TRAF1: variants seen among roughly 807,000 people sequenced by gnomAD.
TRAF1 encodes TNF receptor associated factor 1.
A neutral mutation model predicts 40.9 loss-of-function variants in TRAF1; 23 were observed. The observed-to-expected ratio is 0.56, with a 90% CI of 0.40 to 0.80. The LOEUF (loss-of-function observed/expected upper bound fraction) is 0.80, where lower values mean the gene tolerates loss of function less well. TRAF1 is among the 30% of genes least tolerant of loss of function. TRAF1 has a pLI of 0.00. For synonymous variants in TRAF1, 206 were observed against 218.8 expected, an observed-to-expected ratio of 0.94 and a Z score of 0.52; for missense variants, 477 against 528.7, an observed-to-expected ratio of 0.90 and a Z score of 0.96.
chr9:120,918,791 A>T (rs1160590420), intron 3 of TRAF1, among the ~76,000 whole-genome samples: 2 of 152,248 alleles, frequency 1.3e-5, no homozygotes, highest in Non-Finnish European at 2.9e-5. Context: ...TGAGCAGAGG[A>T]GCTGGGCACA....
chr9:120,907,886 T>TTC (rs1241444312), intron 7 of TRAF1, among the ~76,000 whole-genome samples: 2 of 151,502 alleles, frequency 1.3e-5, no homozygotes, highest in Non-Finnish European at 2.9e-5. Context: ...ATTTCTTTCT[T>TTC]TCTCTCTCTC....
Position 120,913,374 on chromosome 9 carries a change from T to C in TRAF1, c.659A>G (p.His220Arg). The C allele has an allele frequency of 6.2e-7, 1 of 1,613,640 alleles. No homozygotes were observed. The highest frequency in any genetic ancestry group is 1.1e-5 in the South Asian group (1 of 91,042). The change falls in exon 5 of 8, where the codon CAC (histidine) becomes CGC (arginine). Residue 220 changes from histidine (H) to arginine (R), a missense_variant. Transcript: ENST00000373887. ...GCGCTCACGGTCCAGCTGGCTCTGG[T>C]GGATAGAGGTGGCCAGGGCCAGGTG... ...ASHLALATSI[H>R]QSQLDRERIL...
intron 2 of TRAF1, among the ~76,000 whole-genome samples, chr9:120,925,577 T>A (rs750775831): frequency 6.6e-6 from 1 of 152,230 alleles, no homozygotes; most frequent in Non-Finnish European, 1.5e-5. Context: ...TTATTATTCA[T>A]TGGGCTTCAT....
intron 3 of TRAF1, among the ~76,000 whole-genome samples, chr9:120,923,417 T>C (rs1324343288): frequency 1.3e-5 from 2 of 152,296 alleles, no homozygotes; most frequent in East Asian, 3.9e-4. Flanking sequence ...TAAAAACCAC[T>C]CTTAGCTCGT....
Position 120,925,997 on chromosome 9 carries a change from A to G in TRAF1, c.79T>C (p.Cys27Arg), listed in dbSNP as rs767836076. 1.2e-6 allele frequency: 2 copies of G among 1,613,534 alleles called. No homozygotes were observed. Among genetic ancestry groups the G allele is most frequent in the Non-Finnish European group, 1.7e-6 (2 of 1,179,760 alleles). ...EFPFGCPPTV[C>R]QDPKEPRALC... The stretch of plus-strand genomic sequence containing the variant: ...GCCCTGGGCTCCTTTGGGTCCTGGC[A>G]GACGGTGGGAGGGCACCCAAAGGGA... The change falls in exon 2 of 8, where the codon TGC (cysteine) becomes CGC (arginine). Residue 27 changes from cysteine (C) to arginine (R), a missense_variant. Coordinates refer to ENST00000373887, the MANE Select transcript of TRAF1 (RefSeq NM_005658.5).
At chr9:120,908,336 A>G (rs1012141417) in intron 7 of TRAF1, among the ~76,000 whole-genome samples, 7 of 152,216 alleles carry the variant, frequency 4.6e-5, no homozygotes, top group Non-Finnish European at 8.8e-5. Flanking sequence ...ATATTTAATC[A>G]CATCCACTCA....
rs1443909308 is a variant in TRAF1, at chr9:120,905,002, T to C, written c.*18A>G. 5.0e-6 allele frequency: 8 copies of C among 1,607,580 alleles called. No individual in the cohort carries two copies. Among genetic ancestry groups the C allele is most frequent in the Non-Finnish European group, 5.9e-6 (7 of 1,177,368 alleles). ...AGCTCCCTTCTGAGTTGGAGCTCCC[T>C]CAGGAGCCCCGCCCACCCTAAGTGC... is the stretch of plus-strand genomic sequence containing the variant. On this transcript the variant is annotated 3_prime_UTR_variant, in exon 8 of 8. Coordinates refer to ENST00000373887, the MANE Select transcript of TRAF1 (RefSeq NM_005658.5).
chr9:120,921,572 G>A (rs1011212939), intron 3 of TRAF1, among the ~76,000 whole-genome samples: 1 of 152,128 alleles, frequency 6.6e-6, no homozygotes, highest in Non-Finnish European at 1.5e-5. Context: ...ACAGAGTTGA[G>A]GGTCTGCTTG....
At chr9:120,912,650 T>C (rs1300312089) in intron 5 of TRAF1, among the ~76,000 whole-genome samples, 2 of 148,768 alleles carry the variant, frequency 1.3e-5, no homozygotes, top group East Asian at 4.0e-4. Context: ...AGCAATACTC[T>C]GTCTCAAAGG....
chr9:120,914,111 G>T, intron 4 of TRAF1, 124 bp downstream of exon 4: 2 of 842,672 alleles, frequency 2.4e-6, no homozygotes, highest in East Asian at 2.8e-5. Context: ...AAAGTCATTA[G>T]TACAAAGGAC....
chr9:120,919,680 G>A (rs1041896614), intron 3 of TRAF1, among the ~76,000 whole-genome samples: 7 of 152,162 alleles, frequency 4.6e-5, no homozygotes, highest in Non-Finnish European at 8.8e-5. Flanking sequence ...TAACTGGGCC[G>A]GTTTACTCTC....
In TRAF1 at chr9:120,920,476, G is replaced by A. The variant is rs556433349; in HGVS notation, c.228+3229C>T. ...AATTAAGGCTTTACTGTGAGCTACT[G>A]GCATCAGTTGTCAGCTTGCTTTTGA... On this transcript the variant is annotated intron_variant, in intron 3 of 7. Transcript: ENST00000373887. 3.9e-5 allele frequency among the ~76,000 whole-genome samples: 6 copies of A among 152,070 alleles called. 1 individual carries two copies. The South Asian group carries it at 1.2e-3, about 32-fold the overall frequency.
chr9:120,923,813 C>T, intron 2 of TRAF1, 21 bp from the exon 3 acceptor site: 1 of 1,612,394 alleles, frequency 6.2e-7, no homozygotes, highest in South Asian at 1.1e-5. Context: ...ATGGACAAAG[C>T]CTTGGAGAGA....
Position 120,909,414 on chromosome 9 carries a change from T to C in TRAF1, c.884-36A>G, listed in dbSNP as rs376238472. On this transcript the variant is annotated intron_variant, in intron 6 of 7. Coordinates refer to ENST00000373887, the MANE Select transcript of TRAF1 (RefSeq NM_005658.5). The stretch of plus-strand genomic sequence containing the variant: ...GAAGCCAGAGGCAGTTGGGAAGTGC[T>C]GGACTTTGCAGATGTGGGACTGGGA... 35 of 1,604,762 alleles carry C rather than the reference T, an allele frequency of 2.2e-5. 1 individual carries two copies. In the African/African-American group the frequency reaches 4.0e-4, roughly 18 times the overall value.
chr9:120,921,066 C>G (rs1203043405), intron 3 of TRAF1, among the ~76,000 whole-genome samples: 7 of 152,112 alleles, frequency 4.6e-5, no homozygotes, highest in Non-Finnish European at 8.8e-5. Flanking sequence ...GTCCATGACT[C>G]CACGAGGTGG....
intron 7 of TRAF1, among the ~76,000 whole-genome samples, chr9:120,908,226 A>C (rs981693401): frequency 2.6e-5 from 4 of 152,148 alleles, no homozygotes; most frequent in Non-Finnish European, 5.9e-5. Flanking sequence ...CTATCTAAAA[A>C]ATTTTTTAAC....
chr9:120,913,387 C>T lies in TRAF1; in HGVS notation c.646G>A (p.Ala216Thr). ...KEVEASHLAL[A>T]TSIHQSQLDR... ...AGCTGGCTCTGGTGGATAGAGGTGGCCAGGGCCAGGTGGGAGGCCTCCACC... is the reference window on the plus strand; with the variant it reads ...AGCTGGCTCTGGTGGATAGAGGTGGTCAGGGCCAGGTGGGAGGCCTCCACC... The change falls in exon 5 of 8, where the codon GCC (alanine) becomes ACC (threonine). Residue 216 changes from alanine to threonine, a missense_variant. Coordinates refer to ENST00000373887, the MANE Select transcript of TRAF1 (RefSeq NM_005658.5). 3 of 1,613,742 alleles carry T rather than the reference C, an allele frequency of 1.9e-6. No individual in the cohort carries two copies. Among genetic ancestry groups the T allele is most frequent in the Non-Finnish European group, 2.5e-6 (3 of 1,179,974 alleles).
At chr9:120,920,307 A>C (rs1048066617) in intron 3 of TRAF1, among the ~76,000 whole-genome samples, 3 of 152,156 alleles carry the variant, frequency 2.0e-5, no homozygotes, top group African/African-American at 7.2e-5. Flanking sequence ...CATCACTCAG[A>C]GCTCCCCAGG....
intron 7 of TRAF1, among the ~76,000 whole-genome samples, chr9:120,908,802 C>T (rs553436603): frequency 5.3e-5 from 8 of 152,208 alleles, no homozygotes; most frequent in South Asian, 2.1e-4. Flanking sequence ...TCAAGTGATC[C>T]GCCCGCCTCG....
Sources: allele counts gnomAD v4.1 joint callset (sites outside exome capture counted in the v4.1 genomes callset), GRCh38; gene constraint gnomAD v4.1.1; transcripts MANE v1.5; gene names NCBI Gene and HGNC (gene_info 2026-07-23, HGNC 2026-07-21).